The following IFT140 variants were observed in gnomAD, a reference collection of about 807,000 sequenced individuals.
The protein encoded by IFT140 is intraflagellar transport protein 140 homolog.
IFT140 carries 133 observed loss-of-function variants against 164.6 expected under a neutral mutation model. The observed-to-expected ratio is 0.81, with a 90% CI of 0.70 to 0.93. IFT140 has a LOEUF of 0.93. IFT140 is among the 40% of genes least tolerant of loss of function. The pLI, the probability that IFT140 is intolerant of heterozygous loss-of-function variation, is 0.00. For synonymous variants in IFT140, 860 were observed against 817.3 expected (o/e 1.05, Z -0.89); for missense variants, 2,045 against 1,972.3 (o/e 1.04, Z -0.70).
At position 1,564,008 on chromosome 16, in the gene IFT140, C is replaced by T. The variant is rs755423630; in HGVS notation, c.2056G>A (p.Ala686Thr). The T allele has an allele frequency of 3.8e-6, 6 of 1,580,986 alleles. No homozygotes were observed. Among genetic ancestry groups the T allele is most frequent in the East Asian group, 4.6e-5 (2 of 43,706 alleles). Residue 686 changes from alanine (A) to threonine (T), a missense_variant, in exon 17 of 31, where the codon GCT becomes ACT. Transcript: ENST00000426508. The surrounding 1 kb of genome is among the most constrained non-coding windows in gnomAD (Gnocchi z 5.5). The stretch of plus-strand genomic sequence containing the variant: ...CAGGCAGAGCGTACCGCAGGGCCAG[C>T]GCGCCCATCTTGGGGCTGCCCGTTT... ...SANGQPQDGR[A>T]GPAADVLILS...
intron 3 of IFT140, among the ~76,000 whole-genome samples, chr16:1,603,671 C>G (rs909101654): frequency 6.6e-6 from 1 of 152,136 alleles, no homozygotes; most frequent in Non-Finnish European, 1.5e-5. Flanking sequence ...TTAGTAGAGA[C>G]AGTGTTTCAT....
chr16:1,579,079 C>A (rs907233075), intron 13 of IFT140, among the ~76,000 whole-genome samples: 5 of 152,144 alleles, frequency 3.3e-5, no homozygotes, highest in Non-Finnish European at 5.9e-5. Context: ...ACAAGACTTA[C>A]CAATAACGTA....
At chr16:1,568,947 T>C (rs1431197963) in intron 14 of IFT140, among the ~76,000 whole-genome samples, 5 of 152,120 alleles carry the variant, frequency 3.3e-5, no homozygotes, top group Admixed American at 3.3e-4. Flanking sequence ...CAGTGACATT[T>C]AGCTGTTTCT....
At chr16:1,596,400 T>C (rs1177107244) in intron 4 of IFT140, among the ~76,000 whole-genome samples, 1 of 152,228 alleles carries the variant, frequency 6.6e-6, no homozygotes, top group Non-Finnish European at 1.5e-5. Context: ...TACGAGCTTC[T>C]AGCTGACCAC....
intron 15 of IFT140, 100 bp downstream of exon 15, chr16:1,568,117 A>G: frequency 1.3e-6 from 1 of 789,598 alleles, no homozygotes. Flanking sequence ...GGACAGGAAG[A>G]CTTGCACAGG....
At chr16:1,571,754 CG>C (rs2034026624) in intron 13 of IFT140, among the ~76,000 whole-genome samples, 1 of 152,166 alleles carries the variant, frequency 6.6e-6, no homozygotes, top group South Asian at 2.1e-4. Context: ...GGGGGAAGGA[CG>C]GGGCCCTGTC....
Position 1,523,912 on chromosome 16 carries a change from G to C in IFT140, c.3186C>G (p.Ser1062Arg). The C allele has an allele frequency of 1.2e-6, 2 of 1,613,358 alleles. No individual in the cohort carries two copies. Among genetic ancestry groups the C allele is most frequent in the Non-Finnish European group, 1.7e-6 (2 of 1,180,034 alleles). Residue 1062 changes from serine to arginine, a missense_variant, in exon 25 of 31, where the codon AGC becomes AGG. By Grantham distance (110) the Ser-to-Arg change is moderately radical (BLOSUM62 -1). Transcript: ENST00000426508. Reference sequence around the variant, plus strand: ...CCGCCTCGATCATGTCCTCGGGGGAGCTCAGCAGGGCCAAGTTCATGAGCT... The same window carrying C: ...CCGCCTCGATCATGTCCTCGGGGGACCTCAGCAGGGCCAAGTTCATGAGCT... ...DDQLMNLALLSSPEDMIEAAR... is the reference protein window; with the variant it reads ...DDQLMNLALLRSPEDMIEAAR...
At chr16:1,571,097 C>T (rs766642965) in intron 14 of IFT140, among the ~76,000 whole-genome samples, 17 of 152,196 alleles carry the variant, frequency 1.1e-4, no homozygotes, top group Non-Finnish European at 2.4e-4. Context: ...AAGGTTCACA[C>T]TTTGCACCAT....
At chr16:1,521,550 G>T (rs1018808537) in intron 26 of IFT140, among the ~76,000 whole-genome samples, 1 of 151,630 alleles carries the variant, frequency 6.6e-6, no homozygotes, top group Non-Finnish European at 1.5e-5. Context: ...CACCATGCCC[G>T]GCTAATTTTG....
In IFT140 at chr16:1,602,582, C is replaced by A; in HGVS notation, c.157G>T (p.Val53Leu). 1 of 1,611,642 alleles carries A rather than the reference C, an allele frequency of 6.2e-7. No homozygotes were observed. The highest frequency in any genetic ancestry group is 8.5e-7 in the Non-Finnish European group (1 of 1,179,968). Residue 53 changes from valine (V) to leucine (L), a missense_variant, in exon 4 of 31, where the codon GTG becomes TTG. Coordinates refer to ENST00000426508, the MANE Select transcript of IFT140 (RefSeq NM_014714.4). Reference protein sequence around the residue: ...VDIYLEQGECVPDTHVERPFR... With the variant: ...VDIYLEQGECLPDTHVERPFR... Reference sequence around the variant, plus strand: ...GGCCTCTCGACGTGTGTATCTGGCACGCACTCCCCCTGCATTGGATGAGAG... The same window carrying A: ...GGCCTCTCGACGTGTGTATCTGGCAAGCACTCCCCCTGCATTGGATGAGAG...
chr16:1,515,216 C>G (rs2040302573), intron 30 of IFT140, among the ~76,000 whole-genome samples: 1 of 151,978 alleles, frequency 6.6e-6, no homozygotes, highest in Non-Finnish European at 1.5e-5. Flanking sequence ...AATGAAAACA[C>G]CTAGGAACAT....
chr16:1,519,875 G>A lies in IFT140; in HGVS notation c.4040+6C>T, dbSNP rs538447838. On this transcript the variant is annotated splice_donor_region_variant and intron_variant, in intron 29 of 30. Coordinates refer to ENST00000426508, the MANE Select transcript of IFT140 (RefSeq NM_014714.4). ...TGGCCTGTCCCCGCTGGCCCCGGGG[G>A]CACACCTGCGGGCCTGGATGAACCT... 38 of 1,527,966 alleles carry A rather than the reference G, an allele frequency of 2.5e-5. No homozygotes were observed. In the East Asian group the frequency reaches 3.9e-4, roughly 16 times the overall value. 94.7% of individuals were successfully genotyped at this position (1,527,966 alleles called of 1,614,324 possible).
chr16:1,603,629 C>A (rs186174874), intron 3 of IFT140, among the ~76,000 whole-genome samples: 19 of 152,222 alleles, frequency 1.2e-4, no homozygotes, highest in African/African-American at 4.1e-4. Flanking sequence ...AGACTACAGG[C>A]GCGCCACCAA....
Position 1,588,005 on chromosome 16 carries a change from G to A in IFT140, c.830C>T (p.Thr277Ile). The A allele has an allele frequency of 1.9e-6, 3 of 1,613,788 alleles. No homozygotes were observed. Among genetic ancestry groups the A allele is most frequent in the Non-Finnish European group, 2.5e-6 (3 of 1,179,894 alleles). The change falls in exon 8 of 31, where the codon ACC becomes ATC. Residue 277 changes from threonine (T) to isoleucine (I), a missense_variant. By Grantham distance (89) the Thr-to-Ile change is moderately conservative (BLOSUM62 -1). Transcript: ENST00000426508. The stretch of plus-strand genomic sequence containing the variant: ...CAAAGCGATGTCTGCCCGGCGGCCG[G>A]TTTTCCCGCTCAGCTTGACCTGTGT... ...EVMKVKLSGKTGRRADIALIE... is the reference protein window; with the variant it reads ...EVMKVKLSGKIGRRADIALIE...
chr16:1,563,701 G>C (rs1398131255), intron 17 of IFT140, among the ~76,000 whole-genome samples: 1 of 152,164 alleles, frequency 6.6e-6, no homozygotes, highest in African/African-American at 2.4e-5. Flanking sequence ...ATCAGTGGGA[G>C]CTGTGAGGCA....
At chr16:1,511,823 G>GACAC (rs1274882581) in intron 30 of IFT140, among the ~76,000 whole-genome samples, 2 of 150,008 alleles carry the variant, frequency 1.3e-5, no homozygotes, top group Non-Finnish European at 2.9e-5. Flanking sequence ...CTGTGCTGGG[G>GACAC]ACACAGGGGA....
rs2040123339 is a variant in IFT140 at position 1,510,988 on chromosome 16, C to T, written c.4345G>A (p.Glu1449Lys). The T allele has an allele frequency of 1.9e-6, 3 of 1,611,866 alleles. No individual in the cohort carries two copies. The highest frequency in any genetic ancestry group is 1.7e-4 in the Middle Eastern group (1 of 5,980). ...TCTTCCACCACCTCCTCGTCCAGCT[C>T]CCTGGCGTCCTCCATGCTGTTGTGG... Reference protein sequence around the residue: ...VRHNSMEDARELDEEVVEEAD... With the variant: ...VRHNSMEDARKLDEEVVEEAD... Residue 1449 changes from glutamate to lysine, a missense_variant, in exon 31 of 31, where the codon GAG becomes AAG. Physicochemically the swap from Glu to Lys is moderately conservative, Grantham distance 56. Transcript: ENST00000426508.
chr16:1,610,819 C>T lies in IFT140; in HGVS notation c.-187G>A, dbSNP rs1040228050. The T allele has an allele frequency of 5.3e-5, 8 of 152,298 alleles. No homozygotes were observed. Among genetic ancestry groups the T allele is most frequent in the African/African-American group, 1.4e-4 (6 of 41,422 alleles). 9.4% of individuals were successfully genotyped at this position (152,298 alleles called of 1,614,324 possible). A position where few individuals can be genotyped will look rare whatever the true frequency, so the allele number is the denominator to read the frequency against. ...GCGATCGGGCACGCACGTGCAGCTC[C>T]GAGGCCCGAGCGTCGGGGGCCAGGT... On this transcript the variant is annotated 5_prime_UTR_variant, in exon 2 of 31. Transcript: ENST00000426508.
Position 1,558,020 on chromosome 16 carries a change from TG to T in IFT140, c.2313del (p.Thr772ProfsTer14). 6.2e-7 allele frequency: 1 copy of T among 1,613,962 alleles called. No individual in the cohort carries two copies. Among genetic ancestry groups the T allele is most frequent in the Non-Finnish European group, 8.5e-7 (1 of 1,180,016 alleles). On this transcript the variant is annotated frameshift_variant, in exon 19 of 31. Transcript: ENST00000426508. LOFTEE classifies it high-confidence loss of function. ...DFVGLEDCDK[A>X]TRDAMLHFSF... ...CTGAAGTGGAGCATGGCGTCCCGGG[TG>T]GCCTTGTCGCAGTCCTCCAGCCCCA...
Sources: allele counts gnomAD v4.1 joint callset (sites outside exome capture counted in the v4.1 genomes callset), GRCh38; gene constraint gnomAD v4.1.1; non-coding constraint Gnocchi (gnomAD v3.1); transcripts MANE v1.5; gene names NCBI Gene and HGNC (gene_info 2026-07-23, HGNC 2026-07-21).